The following ROPN1 variants were observed in gnomAD, a reference collection of about 807,000 sequenced individuals.
ROPN1 encodes the protein rhophilin associated tail protein 1.
In ROPN1, 14 loss-of-function variants were observed where a neutral mutation model predicts 20.5. The ratio of observed to expected loss-of-function variants is 0.68; its 90% CI spans 0.45 to 1.07. ROPN1 has a LOEUF of 1.07. Among genes scored for constraint, ROPN1 ranks in the 50% least tolerant of loss-of-function variants. The pLI is 0.00. For missense variants in ROPN1, 169 were observed against 242.8 expected (o/e 0.70, Z 2.02); for synonymous variants, 76 against 95.7 (o/e 0.79, Z 1.20).
At chr3:123,973,193 A>C (rs528833547) in intron 4 of ROPN1, among the ~76,000 whole-genome samples, 2 of 152,168 alleles carry the variant, frequency 1.3e-5, no homozygotes, top group African/African-American at 4.8e-5. Context: ...CCAACCCCAC[A>C]TTTAAGATCC....
chr3:123,985,466 CCAT>C (rs911741212), intron 1 of ROPN1, among the ~76,000 whole-genome samples: 10 of 152,038 alleles, frequency 6.6e-5, no homozygotes, highest in East Asian at 1.9e-4. Context: ...ATCACCATCA[CCAT>C]CATCATCATC....
At chr3:123,973,625 C>T (rs1404217819) in intron 4 of ROPN1, among the ~76,000 whole-genome samples, 2 of 152,188 alleles carry the variant, frequency 1.3e-5, no homozygotes, top group Non-Finnish European at 2.9e-5. Context: ...GGGTTGGAAT[C>T]TGACTTTCCA....
At chr3:123,984,696 C>T (rs34535497) in intron 1 of ROPN1, among the ~76,000 whole-genome samples, 10 of 152,072 alleles carry the variant, frequency 6.6e-5, no homozygotes, top group African/African-American at 2.2e-4. Flanking sequence ...AAAAATTTTC[C>T]GCTACTCTTT....
intron 5 of ROPN1, 122 bp from the exon 6 acceptor site, chr3:123,969,343 T>G: frequency 1.1e-6 from 1 of 886,294 alleles, no homozygotes; most frequent in Non-Finnish European, 1.8e-6. Context: ...TTTTTTTGTT[T>G]TGTTTTGTTT....
At chr3:123,977,160 C>T (rs2038043263) in intron 2 of ROPN1, among the ~76,000 whole-genome samples, 179 bp from the exon 3 acceptor site, 1 of 152,160 alleles carries the variant, frequency 6.6e-6, no homozygotes. Flanking sequence ...GAATGTGTTA[C>T]TCTCCACTTA....
rs1217202868 is a variant in ROPN1, at chr3:123,987,263, C to A, written c.-13+4659G>T. Among the ~76,000 whole-genome samples the A allele has an allele frequency of 2.0e-5, 3 of 152,252 alleles. No individual in the cohort carries two copies. In the East Asian group the frequency reaches 5.8e-4, roughly 29 times the overall value. ...AGCAGGTTGCTCCTTGCTAGTTCAA[C>A]TCACTCGTTCCCCCAGAGCTGTTGT... On this transcript the variant is annotated intron_variant, in intron 1 of 5. Coordinates refer to ENST00000405845, the MANE Select transcript of ROPN1 (RefSeq NM_001317774.2).
At chr3:123,974,597 T>A (rs2037980597) in intron 4 of ROPN1, 1 of 152,534 alleles carries the variant, frequency 6.6e-6, no homozygotes, top group African/African-American at 2.4e-5. Flanking sequence ...GACTACCTTT[T>A]CATACCATTT....
rs988164833 is a variant in ROPN1, at chr3:123,976,915, C to T, written c.183G>A (p.Leu61=). The T allele has an allele frequency of 1.3e-6, 2 of 1,587,978 alleles. No homozygotes were observed. The highest frequency in any genetic ancestry group is 1.7e-5 in the Admixed American group (1 of 59,156). The stretch of plus-strand genomic sequence containing the variant: ...CAGGTGTTAGCTCTGCCCGGTTACA[C>T]AAAGCGACTCGCTCAGACCGCTCTC... The part of the protein sequence containing the change: ...PVRERSERVA[L]CNRAELTPEL... Residue 61 remains leucine, a synonymous_variant, in exon 3 of 6, where the codon TTG becomes TTA. Coordinates refer to ENST00000405845, the MANE Select transcript of ROPN1 (RefSeq NM_001317774.2).
chr3:123,976,443 G>A (rs1015140202), intron 3 of ROPN1, among the ~76,000 whole-genome samples: 4 of 150,106 alleles, frequency 2.7e-5, no homozygotes, highest in Admixed American at 2.7e-4. Context: ...GAGGCTCACA[G>A]CCTCTCCCTA....
Position 123,980,005 on chromosome 3 carries a change from T to G in ROPN1, c.116+361A>C, listed in dbSNP as rs529037042. 1.0e-3 allele frequency: 504 copies of G among 484,638 alleles called. 3 individuals are homozygous for G. The highest frequency in any genetic ancestry group is 4.6e-3 in the East Asian group (139 of 30,192). The allele number at this position is 484,638 out of a possible 1,614,324, so 30.0% of individuals were successfully genotyped here. ...AGAACGAAGAAAGGCAGATTAAGCT[T>G]CGGAGATTCCCAGCCCTTCTTTCCA... On this transcript the variant is annotated intron_variant, in intron 2 of 5. Coordinates refer to ENST00000405845, the MANE Select transcript of ROPN1 (RefSeq NM_001317774.2).
chr3:123,974,143 T>C (rs1181525299), intron 4 of ROPN1, among the ~76,000 whole-genome samples: 4 of 152,192 alleles, frequency 2.6e-5, no homozygotes, highest in Non-Finnish European at 5.9e-5. Context: ...GTGGGTGGGG[T>C]AGACCAAGAA....
At chr3:123,973,927 G>T (rs756120300) in intron 4 of ROPN1, among the ~76,000 whole-genome samples, 1 of 152,208 alleles carries the variant, frequency 6.6e-6, no homozygotes, top group Non-Finnish European at 1.5e-5. Flanking sequence ...GGAAGACTAA[G>T]GGATGTGAGA....
chr3:123,977,679 T>C (rs569334519), intron 2 of ROPN1, among the ~76,000 whole-genome samples: 1 of 152,310 alleles, frequency 6.6e-6, no homozygotes, highest in South Asian at 2.1e-4. Flanking sequence ...CCTGCAAGGC[T>C]CAGGAGAGAA....
At chr3:123,988,028 G>T (rs564896193) in intron 1 of ROPN1, among the ~76,000 whole-genome samples, 9 of 152,220 alleles carry the variant, frequency 5.9e-5, no homozygotes, top group African/African-American at 1.9e-4. Flanking sequence ...TCCCTGATTT[G>T]GGGACCTGGT....
chr3:123,969,320 GCTC>G (rs2037867043), intron 5 of ROPN1, 99 bp from the exon 6 acceptor site: 2 of 1,027,732 alleles, frequency 1.9e-6, no homozygotes, highest in Middle Eastern at 2.1e-4. Flanking sequence ...TTCTGCTGTT[GCTC>G]CTTTTTCTCT....
At chr3:123,973,403 G>A (rs1311632573) in intron 4 of ROPN1, among the ~76,000 whole-genome samples, 4 of 152,278 alleles carry the variant, frequency 2.6e-5, no homozygotes, top group East Asian at 1.9e-4. Context: ...ATTCAGAGGT[G>A]GGCCTGAGGG....
At chr3:123,986,092 T>C (rs1267058357) in intron 1 of ROPN1, among the ~76,000 whole-genome samples, 1 of 150,126 alleles carries the variant, frequency 6.7e-6, no homozygotes, top group African/African-American at 2.4e-5. Context: ...AATTACTAAA[T>C]TAAATAATGT....
At chr3:123,970,366 A>G in intron 4 of ROPN1, 149 bp from the exon 5 acceptor site, 1 of 669,666 alleles carries the variant, frequency 1.5e-6, no homozygotes, top group Non-Finnish European at 2.5e-6. Context: ...AAATTTTTAC[A>G]TTCAAATGTC....
chr3:123,984,011 G>T (rs1406344210), intron 1 of ROPN1, among the ~76,000 whole-genome samples: 1 of 152,134 alleles, frequency 6.6e-6, no homozygotes, highest in Non-Finnish European at 1.5e-5. Context: ...CTCTTCCTTT[G>T]ATAGCATACG....
Sources: gnomAD v4.1 joint callset for allele counts (sites outside exome capture counted in the v4.1 genomes callset) on GRCh38, gnomAD v4.1.1 for gene constraint, MANE v1.5 for transcripts, NCBI Gene and HGNC (gene_info 2026-07-23, HGNC 2026-07-21) for gene names.